Variants in FBXO36 observed in about 807,000 individuals in gnomAD.
The protein encoded by FBXO36 is F-box only protein 36.
A neutral mutation model predicts 17.0 loss-of-function variants in FBXO36; 18 were observed. That is an observed-to-expected ratio of 1.06 (90% CI 0.73 to 1.57). FBXO36 has a LOEUF of 1.57. Among genes scored for constraint, FBXO36 ranks in the 40% most tolerant of loss-of-function variants. FBXO36 has a pLI of 0.00. For synonymous variants in FBXO36, 83 were observed against 85.3 expected, an observed-to-expected ratio of 0.97 and a Z score of 0.15; for missense variants, 229 against 221.9, an observed-to-expected ratio of 1.03 and a Z score of -0.20.
intron 1 of FBXO36, among the ~76,000 whole-genome samples, chr2:229,928,053 C>G (rs2076921940): frequency 6.6e-6 from 1 of 152,158 alleles, no homozygotes; most frequent in Non-Finnish European, 1.5e-5. Flanking sequence ...CCCAGCAAAT[C>G]CATTTCTAGG....
At chr2:229,970,463 G>A (rs988335030) in intron 1 of FBXO36, among the ~76,000 whole-genome samples, 4 of 152,190 alleles carry the variant, frequency 2.6e-5, no homozygotes, top group African/African-American at 9.7e-5. Flanking sequence ...CTAGAGAAGA[G>A]TGCACTTTTA....
At chr2:229,941,996 A>G (rs767921409) in intron 1 of FBXO36, among the ~76,000 whole-genome samples, 1 of 152,118 alleles carries the variant, frequency 6.6e-6, no homozygotes, top group Non-Finnish European at 1.5e-5. Context: ...AGCCTGGGTG[A>G]CAGAGCAAGG....
intron 1 of FBXO36, among the ~76,000 whole-genome samples, chr2:229,940,441 T>A (rs1319607474): frequency 6.6e-6 from 1 of 152,172 alleles, no homozygotes; most frequent in African/African-American, 2.4e-5. Flanking sequence ...GTATCTGATT[T>A]ATGGAAGATA....
intron 2 of FBXO36, 112 bp downstream of exon 2, chr2:229,976,461 G>T (rs1048232231): frequency 1.3e-5 from 9 of 717,936 alleles, no homozygotes; most frequent in Admixed American, 2.5e-5. Context: ...ATGCAGTTAT[G>T]TACTTACATA....
intron 1 of FBXO36, among the ~76,000 whole-genome samples, chr2:229,954,494 C>CCTT (rs2077074670): frequency 6.7e-6 from 1 of 149,588 alleles, no homozygotes; most frequent in Non-Finnish European, 1.5e-5. Context: ...CTGCCCGCTT[C>CCTT]GGCCTCCCAA....
At chr2:229,923,348 G>C (rs958819596) in intron 1 of FBXO36, 3 of 152,200 alleles carry the variant, frequency 2.0e-5, no homozygotes, top group African/African-American at 7.2e-5. Flanking sequence ...ATGATTTACT[G>C]TGTCCATGAA....
intron 3 of FBXO36, among the ~76,000 whole-genome samples, chr2:230,008,615 A>C (rs1052635946): frequency 2.0e-5 from 3 of 152,192 alleles, no homozygotes; most frequent in Non-Finnish European, 2.9e-5. Flanking sequence ...TTTCCCCCCA[A>C]ATCTTGTAGT....
chr2:229,982,802 A>T (rs2077247680), intron 2 of FBXO36, among the ~76,000 whole-genome samples: 1 of 145,814 alleles, frequency 6.9e-6, no homozygotes, highest in African/African-American at 2.5e-5. Flanking sequence ...AAAAAAAAGG[A>T]TCCTTAATTT....
At chr2:229,995,675 C>A (rs1365654532) in intron 2 of FBXO36, among the ~76,000 whole-genome samples, 3 of 150,258 alleles carry the variant, frequency 2.0e-5, no homozygotes. Flanking sequence ...TCACCGCAAC[C>A]TCCGCCTCCC....
chr2:229,944,829 G>C (rs1030712539), intron 1 of FBXO36, among the ~76,000 whole-genome samples: 2 of 151,916 alleles, frequency 1.3e-5, no homozygotes, highest in African/African-American at 4.8e-5. Flanking sequence ...TCCTGACCTC[G>C]TGATCCACCC....
At chr2:229,933,484 TAA>T (rs1336353685) in intron 1 of FBXO36, among the ~76,000 whole-genome samples, 1 of 152,124 alleles carries the variant, frequency 6.6e-6, no homozygotes, top group Non-Finnish European at 1.5e-5. Context: ...TGTTCTTCTG[TAA>T]AGTTAAGTTG....
At chr2:229,980,642 G>T (rs916190039) in intron 2 of FBXO36, among the ~76,000 whole-genome samples, 1 of 151,940 alleles carries the variant, frequency 6.6e-6, no homozygotes, top group African/African-American at 2.4e-5. Flanking sequence ...GATACTGGGG[G>T]AGGGGATTCA....
intron 2 of FBXO36, among the ~76,000 whole-genome samples, chr2:229,994,046 A>T (rs975312613): frequency 6.6e-6 from 1 of 152,096 alleles, no homozygotes; most frequent in South Asian, 2.1e-4. Context: ...TGCTGGGATT[A>T]CAGGCGTGAG....
At chr2:230,002,539 A>G (rs1328949932) in intron 3 of FBXO36, among the ~76,000 whole-genome samples, 1 of 152,110 alleles carries the variant, frequency 6.6e-6, no homozygotes, top group Non-Finnish European at 1.5e-5. Flanking sequence ...CTGCGCCACC[A>G]TACCCAGCTA....
intron 1 of FBXO36, among the ~76,000 whole-genome samples, chr2:229,937,531 C>G (rs549035423): frequency 2.0e-5 from 3 of 152,130 alleles, no homozygotes; most frequent in South Asian, 2.1e-4. Context: ...TAATAAAAAC[C>G]AATAACTTTT....
At chr2:229,947,697 T>C (rs966404517) in intron 1 of FBXO36, among the ~76,000 whole-genome samples, 2 of 152,202 alleles carry the variant, frequency 1.3e-5, no homozygotes, top group Non-Finnish European at 2.9e-5. Flanking sequence ...AATTTAGTCA[T>C]GGAGTTGATA....
intron 1 of FBXO36, among the ~76,000 whole-genome samples, chr2:229,976,007 C>T (rs969230982): frequency 1.4e-4 from 22 of 152,026 alleles, no homozygotes; most frequent in Non-Finnish European, 4.4e-5. Context: ...TGCACCCGGC[C>T]GACCTGATCG....
At chr2:230,002,474 C>G (rs918190990) in intron 3 of FBXO36, among the ~76,000 whole-genome samples, 4 of 152,086 alleles carry the variant, frequency 2.6e-5, no homozygotes, top group Admixed American at 1.3e-4. Context: ...ACCTCCACCC[C>G]CTGGGCTCAA....
intron 1 of FBXO36, among the ~76,000 whole-genome samples, chr2:229,965,019 GTCTT>G (rs1189836513): frequency 2.6e-5 from 4 of 152,224 alleles, no homozygotes; most frequent in African/African-American, 9.6e-5. Flanking sequence ...GAGTTTATCA[GTCTT>G]TCTTTGATTG....
Sources: allele counts gnomAD v4.1 joint callset (sites outside exome capture counted in the v4.1 genomes callset), GRCh38; gene constraint gnomAD v4.1.1; transcripts MANE v1.5; gene names NCBI Gene and HGNC (gene_info 2026-07-23, HGNC 2026-07-21).